The following AKAP13 variants were observed in gnomAD, a reference collection of about 807,000 sequenced individuals.
AKAP13 encodes the protein A-kinase anchoring protein 13.
A neutral mutation model predicts 264.5 loss-of-function variants in AKAP13; 80 were observed. The ratio of observed to expected loss-of-function variants is 0.30; its 90% CI spans 0.25 to 0.36. AKAP13 has a LOEUF of 0.36. Among genes scored for constraint, AKAP13 ranks in the 10% least tolerant of loss-of-function variants. The pLI, the probability that AKAP13 is intolerant of heterozygous loss-of-function variation, is 1.00. For missense variants in AKAP13, 3,712 were observed against 3,435.2 expected (o/e 1.08, Z -2.01); for synonymous variants, 1,380 against 1,250.2 (o/e 1.10, Z -2.19).
intron 10 of AKAP13, among the ~76,000 whole-genome samples, chr15:85,648,285 G>GT (rs2082649459): frequency 6.6e-6 from 1 of 151,928 alleles, no homozygotes; most frequent in African/African-American, 2.4e-5. Flanking sequence ...AACGTAAAAA[G>GT]TTTTTTAAAA....
intron 2 of AKAP13, among the ~76,000 whole-genome samples, chr15:85,495,005 GTTA>G (rs1220797394): frequency 1.3e-5 from 2 of 152,264 alleles, no homozygotes; most frequent in African/African-American, 4.8e-5. Flanking sequence ...ATAGTTTACA[GTTA>G]TTATTTGAAA....
intron 1 of AKAP13, among the ~76,000 whole-genome samples, chr15:85,403,321 G>A (rs1157260749): frequency 6.6e-6 from 1 of 152,174 alleles, no homozygotes; most frequent in Non-Finnish European, 1.5e-5. Context: ...TTACCATGGT[G>A]GTACCTAATG....
At chr15:85,647,680 T>C (rs2151494618) in intron 10 of AKAP13, among the ~76,000 whole-genome samples, 1 of 152,312 alleles carries the variant, frequency 6.6e-6, no homozygotes, top group South Asian at 2.1e-4. Context: ...GCGCAATGGC[T>C]CACGCCTGTA....
intron 5 of AKAP13, among the ~76,000 whole-genome samples, chr15:85,552,465 C>G (rs936118836): frequency 6.6e-6 from 1 of 152,040 alleles, no homozygotes; most frequent in Non-Finnish European, 1.5e-5. Context: ...CTTTAATGTC[C>G]ATAGACATAA....
intron 5 of AKAP13, chr15:85,555,396 A>G: frequency 7.8e-7 from 1 of 1,283,352 alleles, no homozygotes; most frequent in Non-Finnish European, 1.0e-6. Context: ...TAGGAGGGGT[A>G]ACCAGGCTGC....
intron 3 of AKAP13, among the ~76,000 whole-genome samples, chr15:85,525,577 A>G (rs2077008058): frequency 6.6e-6 from 1 of 152,234 alleles, no homozygotes; most frequent in Non-Finnish European, 1.5e-5. Context: ...GCCTTGAAAC[A>G]TAGCTTGAGA....
chr15:85,623,671 T>C (rs2081289907), intron 8 of AKAP13, among the ~76,000 whole-genome samples: 1 of 152,238 alleles, frequency 6.6e-6, no homozygotes, highest in African/African-American at 2.4e-5. Flanking sequence ...ATTACCTCTA[T>C]TCTGAACTTT....
intron 14 of AKAP13, among the ~76,000 whole-genome samples, chr15:85,672,566 A>G (rs562941342): frequency 8.5e-5 from 13 of 152,334 alleles, no homozygotes; most frequent in African/African-American, 3.1e-4. Flanking sequence ...TAGTCTCCCT[A>G]ACTGAAATAG....
intron 1 of AKAP13, among the ~76,000 whole-genome samples, chr15:85,461,663 T>C (rs1346005088): frequency 6.6e-6 from 1 of 152,078 alleles, no homozygotes; most frequent in East Asian, 1.9e-4. Flanking sequence ...TTCCTTCTTG[T>C]TAACTTTTTT....
intron 1 of AKAP13, among the ~76,000 whole-genome samples, chr15:85,430,063 T>TA (rs2072958841): frequency 6.6e-6 from 1 of 152,204 alleles, no homozygotes; most frequent in Non-Finnish European, 1.5e-5. Context: ...TAGAATGTAG[T>TA]AAAGTAGCCT....
At chr15:85,646,118 A>C (rs2082548772) in intron 10 of AKAP13, among the ~76,000 whole-genome samples, 164 bp downstream of exon 10, 1 of 151,948 alleles carries the variant, frequency 6.6e-6, no homozygotes, top group African/African-American at 2.4e-5. Context: ...GTAGGGCCTC[A>C]CTCACTCTGA....
intron 5 of AKAP13, among the ~76,000 whole-genome samples, chr15:85,556,876 A>T (rs1372558330): frequency 6.6e-6 from 1 of 152,200 alleles, no homozygotes; most frequent in East Asian, 1.9e-4. Context: ...ATTTTCTACC[A>T]TAAGCACCTG....
chr15:85,488,244 A>C (rs571418266), intron 2 of AKAP13, among the ~76,000 whole-genome samples: 1 of 152,266 alleles, frequency 6.6e-6, no homozygotes, highest in African/African-American at 2.4e-5. Flanking sequence ...TTGAATTTTT[A>C]ATGTTAAGGC....
chr15:85,546,190 T>C (rs1281633692), intron 5 of AKAP13, among the ~76,000 whole-genome samples: 3 of 152,200 alleles, frequency 2.0e-5, no homozygotes, highest in Non-Finnish European at 4.4e-5. Flanking sequence ...AATGTATTTC[T>C]CACCACAAAA....
At chr15:85,388,175 AC>A (rs1197774605) in intron 1 of AKAP13, among the ~76,000 whole-genome samples, 1 of 151,200 alleles carries the variant, frequency 6.6e-6, no homozygotes, top group Non-Finnish European at 1.5e-5. Flanking sequence ...AGCTGGGATT[AC>A]AGGTGCATGT....
At chr15:85,520,498 CAAAAAAAAAAAAAA>C (rs71468111) in intron 2 of AKAP13, among the ~76,000 whole-genome samples, 5 of 71,294 alleles carry the variant, frequency 7.0e-5, no homozygotes, top group Non-Finnish European at 1.2e-4. Flanking sequence ...AACTCCGTCT[CAAAAAAAAAAAAAA>C]AAAAAAAAAA....
intron 1 of AKAP13, among the ~76,000 whole-genome samples, chr15:85,483,713 A>G (rs1426964610): frequency 6.7e-6 from 1 of 149,886 alleles, no homozygotes; most frequent in East Asian, 2.0e-4. Context: ...CGAGAGGCTG[A>G]GGCAGGAGAA....
At chr15:85,606,779 G>T (rs1423039388) in intron 8 of AKAP13, among the ~76,000 whole-genome samples, 2 of 152,236 alleles carry the variant, frequency 1.3e-5, no homozygotes, top group African/African-American at 4.8e-5. Context: ...AGAACAGTAA[G>T]TTGACTTGTG....
intron 2 of AKAP13, among the ~76,000 whole-genome samples, chr15:85,520,898 C>G (rs6496040): frequency 0.52 from 79,463 of 152,062 alleles, 21,207 homozygotes; most frequent in Middle Eastern, 0.62. Context: ...AGCCCAAGCT[C>G]GTCTTCTTTG....
Sources: gnomAD v4.1 joint callset for allele counts (sites outside exome capture counted in the v4.1 genomes callset) on GRCh38, gnomAD v4.1.1 for gene constraint, MANE v1.5 for transcripts, NCBI Gene and HGNC (gene_info 2026-07-23, HGNC 2026-07-21) for gene names.